The following GABRB2 variants were observed in gnomAD, a reference collection of about 807,000 sequenced individuals.
The protein encoded by GABRB2 is gamma-aminobutyric acid type A receptor subunit beta2, also known as gamma-aminobutyric acid receptor subunit beta-2.
GABRB2 carries 16 observed loss-of-function variants against 54.7 expected under a neutral mutation model. That is an observed-to-expected ratio of 0.29 (90% CI 0.20 to 0.44). The LOEUF is 0.44. GABRB2 is among the 20% of genes least tolerant of loss of function. GABRB2 has a pLI of 1.00. For synonymous variants in GABRB2, 244 were observed against 233.8 expected, an observed-to-expected ratio of 1.04 and a Z score of -0.40; for missense variants, 355 against 644.0, an observed-to-expected ratio of 0.55 and a Z score of 4.86.
intron 3 of GABRB2, among the ~76,000 whole-genome samples, chr5:161,477,284 CA>C (rs70990786): frequency 0.19 from 24,712 of 127,368 alleles, 2,595 homozygotes; most frequent in African/African-American, 0.35. Context: ...CAAACAAAAG[CA>C]AAAAAAAAAA....
At chr5:161,501,558 A>G (rs1455668311) in intron 3 of GABRB2, among the ~76,000 whole-genome samples, 1 of 152,146 alleles carries the variant, frequency 6.6e-6, no homozygotes, top group East Asian at 1.9e-4. Flanking sequence ...CCACTAACTT[A>G]AGTGCTGGGG....
At chr5:161,502,788 G>T (rs888160909) in intron 3 of GABRB2, among the ~76,000 whole-genome samples, 1 of 152,204 alleles carries the variant, frequency 6.6e-6, no homozygotes, top group Non-Finnish European at 1.5e-5. Context: ...GCCGAAATTT[G>T]TAAAGCAAAC....
chr5:161,374,385 C>T (rs748576345), intron 5 of GABRB2, among the ~76,000 whole-genome samples: 29 of 152,128 alleles, frequency 1.9e-4, no homozygotes, highest in Admixed American at 3.3e-4. Flanking sequence ...ACATAATGGT[C>T]CCTACTTGTA....
intron 7 of GABRB2, among the ~76,000 whole-genome samples, chr5:161,331,919 A>G (rs538273918): frequency 2.2e-4 from 34 of 152,042 alleles, no homozygotes; most frequent in Admixed American, 3.3e-4. Flanking sequence ...TAATCCCAGC[A>G]CTTTGGGAGG....
At chr5:161,445,032 G>A (rs941804301) in intron 4 of GABRB2, among the ~76,000 whole-genome samples, 2 of 152,032 alleles carry the variant, frequency 1.3e-5, no homozygotes, top group African/African-American at 2.4e-5. Context: ...GTGCTGTGGC[G>A]AAACGGCAAT....
intron 4 of GABRB2, among the ~76,000 whole-genome samples, chr5:161,454,495 A>T (rs1243284485): frequency 6.6e-6 from 1 of 152,210 alleles, no homozygotes; most frequent in East Asian, 1.9e-4. Flanking sequence ...TACACAAAGA[A>T]ACTAGTGTCT....
intron 5 of GABRB2, among the ~76,000 whole-genome samples, chr5:161,369,516 G>C (rs1233281160): frequency 3.4e-5 from 5 of 148,362 alleles, no homozygotes; most frequent in African/African-American, 1.3e-4. Flanking sequence ...CAGAGAAAGA[G>C]AGAGAGAGGA....
rs10691457 is a variant in GABRB2, at chr5:161,479,585, A to ATTT, written c.238-19744_238-19742dup. Among the ~76,000 whole-genome samples, 78 of 137,632 alleles carry ATTT rather than the reference A, an allele frequency of 5.7e-4. 1 individual carries two copies. The East Asian group carries it at 5.7e-3, about 10-fold the overall frequency. 90.3% of individuals were successfully genotyped at this position (137,632 alleles called of 152,430 possible). A position where few individuals can be genotyped will look rare whatever the true frequency, so the allele number is the denominator to read the frequency against. On this transcript the variant is annotated intron_variant, in intron 3 of 9. Transcript: ENST00000393959. The stretch of plus-strand genomic sequence containing the variant: ...GAGTAACCATGAACACATTGAAACA[A>ATTT]TTTTTTTTTTTTTTTTTTGAGGTGG...
intron 3 of GABRB2, among the ~76,000 whole-genome samples, chr5:161,494,425 T>C (rs1268271804): frequency 1.3e-5 from 2 of 151,802 alleles, no homozygotes; most frequent in Non-Finnish European, 2.9e-5. Flanking sequence ...AGCTCCAATA[T>C]GTAAATCATG....
chr5:161,323,091 C>A (rs541801262), intron 9 of GABRB2, among the ~76,000 whole-genome samples: 1 of 148,498 alleles, frequency 6.7e-6, no homozygotes, highest in African/African-American at 2.5e-5. Context: ...GTGGTGCGAT[C>A]TCGTCTCACT....
intron 3 of GABRB2, among the ~76,000 whole-genome samples, chr5:161,493,738 T>C (rs1759144619): frequency 6.6e-6 from 1 of 151,780 alleles, no homozygotes; most frequent in South Asian, 2.1e-4. Flanking sequence ...TTCCATCACA[T>C]TGTAATGGAT....
chr5:161,428,079 A>G (rs1757057193), intron 4 of GABRB2, among the ~76,000 whole-genome samples: 1 of 152,150 alleles, frequency 6.6e-6, no homozygotes, highest in Non-Finnish European at 1.5e-5. Context: ...CCTGAGAGGA[A>G]AAAAAGATCG....
At chr5:161,352,051 A>G (rs1469831036) in intron 5 of GABRB2, among the ~76,000 whole-genome samples, 1 of 152,016 alleles carries the variant, frequency 6.6e-6, no homozygotes, top group Non-Finnish European at 1.5e-5. Flanking sequence ...GACAAAAGAT[A>G]TGTATTGGTG....
intron 5 of GABRB2, among the ~76,000 whole-genome samples, chr5:161,384,947 C>T (rs1280151968): frequency 6.6e-6 from 1 of 152,124 alleles, no homozygotes; most frequent in East Asian, 1.9e-4. Context: ...GCTGTGACTG[C>T]TTTTCTTTCA....
In GABRB2 at chr5:161,292,043, AG is replaced by A. The variant is rs1757252729; in HGVS notation, c.*2037del. 1 of 152,206 alleles carries A rather than the reference AG, an allele frequency of 6.6e-6. No individual in the cohort carries two copies. The highest frequency in any genetic ancestry group is 1.5e-5 in the Non-Finnish European group (1 of 68,030). 9.4% of individuals were successfully genotyped at this position (152,206 alleles called of 1,614,324 possible). A position where few individuals can be genotyped will look rare whatever the true frequency, so the allele number is the denominator to read the frequency against. On this transcript the variant is annotated 3_prime_UTR_variant, in exon 10 of 10. Transcript: ENST00000393959. ...GATTCTGCCCAAAGATGATACTCAG[AG>A]GTGCTCAAGATTATGTAATCAAAAT...
chr5:161,490,462 T>C (rs1255356606), intron 3 of GABRB2, among the ~76,000 whole-genome samples: 1 of 151,594 alleles, frequency 6.6e-6, no homozygotes, highest in Non-Finnish European at 1.5e-5. Context: ...TCATCAATTA[T>C]AAAATAAGGA....
chr5:161,301,426 T>C (rs1007808353), intron 9 of GABRB2, among the ~76,000 whole-genome samples: 7 of 152,086 alleles, frequency 4.6e-5, no homozygotes, highest in African/African-American at 9.7e-5. Context: ...TTCTTTCTTT[T>C]TTTTTTTCGA....
At chr5:161,306,899 T>A (rs936204514) in intron 9 of GABRB2, among the ~76,000 whole-genome samples, 1 of 152,098 alleles carries the variant, frequency 6.6e-6, no homozygotes, top group Non-Finnish European at 1.5e-5. Flanking sequence ...GCGCACTGTG[T>A]CCAGCAAAAG....
At chr5:161,473,283 A>G (rs1758498873) in intron 3 of GABRB2, among the ~76,000 whole-genome samples, 1 of 152,018 alleles carries the variant, frequency 6.6e-6, no homozygotes. Context: ...AACTCAGCAG[A>G]TTTTTCTAAA....
Sources: gnomAD v4.1 joint callset for allele counts (sites outside exome capture counted in the v4.1 genomes callset) on GRCh38, gnomAD v4.1.1 for gene constraint, MANE v1.5 for transcripts, NCBI Gene and HGNC (gene_info 2026-07-23, HGNC 2026-07-21) for gene names.